Variants in SUPT3H observed in about 807,000 individuals in gnomAD.
The protein encoded by SUPT3H is SPT3 homolog, SAGA and STAGA complex component.
In SUPT3H, 44 loss-of-function variants were observed where a neutral mutation model predicts 44.3. The observed-to-expected ratio is 0.99, with a 90% CI of 0.78 to 1.28. SUPT3H has a LOEUF of 1.28. Ranked by LOEUF, SUPT3H falls within the 50% of genes most tolerant of loss-of-function variation. SUPT3H has a pLI of 0.00. For synonymous variants in SUPT3H, 124 were observed against 125.6 expected (o/e 0.99, Z 0.09); for missense variants, 380 against 387.1 (o/e 0.98, Z 0.15).
chr6:45,066,024 C>G (rs939302426), intron 3 of SUPT3H, among the ~76,000 whole-genome samples: 4 of 139,016 alleles, frequency 2.9e-5, no homozygotes, highest in African/African-American at 8.2e-5. Flanking sequence ...GAATTTTAGA[C>G]CAATATCCTT....
chr6:44,889,613 A>C (rs1762943466), intron 10 of SUPT3H, among the ~76,000 whole-genome samples: 2 of 152,222 alleles, frequency 1.3e-5, no homozygotes. Flanking sequence ...AAATTAATTC[A>C]AGATGGATTA....
intron 4 of SUPT3H, among the ~76,000 whole-genome samples, chr6:45,018,790 A>T (rs1784687928): frequency 6.6e-6 from 1 of 151,894 alleles, no homozygotes; most frequent in South Asian, 2.1e-4. Context: ...TTCATCAAGG[A>T]TATTGGTCTA....
chr6:45,367,912 T>C lies in SUPT3H; in HGVS notation c.1-2611A>G, dbSNP rs377405316. Among the ~76,000 whole-genome samples the C allele has an allele frequency of 3.2e-4, 48 of 152,326 alleles. No individual in the cohort carries two copies. In the East Asian group the frequency reaches 8.5e-3, roughly 27 times the overall value. ...TGAGCTGATAGGTCATTAGACTCTT[T>C]AAAATAATTATTTCCCATACCCACA... On this transcript the variant is annotated intron_variant, in intron 1 of 10. Transcript: ENST00000371459.
chr6:44,862,160 G>T (rs1287798535), intron 10 of SUPT3H, among the ~76,000 whole-genome samples: 1 of 152,012 alleles, frequency 6.6e-6, no homozygotes, highest in Non-Finnish European at 1.5e-5. Flanking sequence ...GTAATAACCT[G>T]ACAATGCAGT....
At chr6:44,965,885 T>C (rs1776708658) in intron 6 of SUPT3H, among the ~76,000 whole-genome samples, 1 of 152,174 alleles carries the variant, frequency 6.6e-6, no homozygotes, top group Non-Finnish European at 1.5e-5. Flanking sequence ...GAGGCAATGC[T>C]TTGCTTGGAT....
intron 3 of SUPT3H, among the ~76,000 whole-genome samples, chr6:45,092,038 A>G (rs1487163456): frequency 1.3e-5 from 2 of 152,106 alleles, no homozygotes; most frequent in Admixed American, 6.5e-5. Context: ...TTTACATTAT[A>G]TATTTTACTT....
chr6:44,877,468 C>CAAAAAA, intron 10 of SUPT3H, among the ~76,000 whole-genome samples: 1 of 122,472 alleles, frequency 8.2e-6, no homozygotes, highest in South Asian at 2.7e-4. Flanking sequence ...GACTCAGTCT[C>CAAAAAA]AAAAAAAAAA....
rs140080117 is a variant in SUPT3H at position 45,343,249 on chromosome 6, C to T, written c.101+21952G>A. On this transcript the variant is annotated intron_variant, in intron 2 of 10. Transcript: ENST00000371459. Reference sequence around the variant, plus strand: ...TCTCAGCCGGGTGCAGTGGCTCACACCTGTAATCCCAGCACTTTGGGAGGC... The same window carrying T: ...TCTCAGCCGGGTGCAGTGGCTCACATCTGTAATCCCAGCACTTTGGGAGGC... Among the ~76,000 whole-genome samples the T allele has an allele frequency of 1.8e-3, 266 of 146,138 alleles. 2 individuals are homozygous for T. The highest frequency in any genetic ancestry group is 3.2e-3 in the Non-Finnish European group (202 of 63,666).
intron 2 of SUPT3H, chr6:45,321,802 G>T: frequency 6.2e-7 from 1 of 1,602,722 alleles, no homozygotes; most frequent in South Asian, 1.1e-5. Context: ...TTACCTGCCA[G>T]AATCATTCAG....
intron 10 of SUPT3H, among the ~76,000 whole-genome samples, chr6:44,894,389 T>G (rs1392485405): frequency 6.6e-6 from 1 of 152,226 alleles, no homozygotes; most frequent in Non-Finnish European, 1.5e-5. Flanking sequence ...CATCTTGAAT[T>G]GATTTTTGTA....
intron 10 of SUPT3H, among the ~76,000 whole-genome samples, chr6:44,869,433 T>C (rs1032924868): frequency 1.4e-4 from 21 of 152,286 alleles, no homozygotes; most frequent in African/African-American, 5.1e-4. Context: ...GGCTGAGATA[T>C]AAACCACTAA....
intron 3 of SUPT3H, among the ~76,000 whole-genome samples, chr6:45,022,237 T>A (rs974021268): frequency 5.3e-5 from 8 of 151,988 alleles, no homozygotes; most frequent in African/African-American, 1.4e-4. Flanking sequence ...TTAAGAAGGA[T>A]CAGGAGAAAT....
At chr6:44,883,657 G>A (rs989875053) in intron 10 of SUPT3H, among the ~76,000 whole-genome samples, 1 of 152,130 alleles carries the variant, frequency 6.6e-6, no homozygotes, top group Non-Finnish European at 1.5e-5. Flanking sequence ...CATGGTACTA[G>A]TACCAAAACA....
chr6:45,250,100 CA>C (rs1472447638), intron 2 of SUPT3H, among the ~76,000 whole-genome samples: 1 of 152,094 alleles, frequency 6.6e-6, no homozygotes, highest in Non-Finnish European at 1.5e-5. Flanking sequence ...AGGTCTACCT[CA>C]AATACATTTT....
At chr6:45,258,202 A>G (rs72858522) in intron 2 of SUPT3H, among the ~76,000 whole-genome samples, 2,217 of 152,324 alleles carry the variant, frequency 0.015, 25 homozygotes, top group South Asian at 0.029. Context: ...TTATTTTCAC[A>G]TTGAAAATCA....
rs73737832 is a variant in SUPT3H at position 45,024,632 on chromosome 6, T to C, written c.187-4000A>G. On this transcript the variant is annotated intron_variant, in intron 3 of 10. Coordinates refer to ENST00000371459, the MANE Select transcript of SUPT3H (RefSeq NM_003599.4). ...ATAATTTTGGTTCTTTTTACCTTTG[T>C]GTACTTGTGATGGTTAATTTTGTGT... Among the ~76,000 whole-genome samples, 1,308 of 152,308 alleles carry C rather than the reference T, an allele frequency of 8.6e-3. 22 individuals carry two copies. The highest frequency in any genetic ancestry group is 0.03 in the African/African-American group (1,232 of 41,558).
chr6:44,929,722 G>C (rs1770221430), intron 10 of SUPT3H, among the ~76,000 whole-genome samples: 1 of 151,308 alleles, frequency 6.6e-6, no homozygotes, highest in Non-Finnish European at 1.5e-5. Context: ...CCTTAGGGAA[G>C]TGAACATCAG....
At chr6:45,307,878 G>A (rs1036148702) in intron 2 of SUPT3H, among the ~76,000 whole-genome samples, 2 of 152,098 alleles carry the variant, frequency 1.3e-5, no homozygotes, top group African/African-American at 2.4e-5. Flanking sequence ...TAGACAAATG[G>A]CTAACTAGAA....
intron 2 of SUPT3H, among the ~76,000 whole-genome samples, chr6:45,138,146 C>T (rs998451556): frequency 2.6e-5 from 4 of 151,908 alleles, no homozygotes; most frequent in African/African-American, 7.3e-5. Context: ...AAATCAAACA[C>T]ACAATGAGAT....
Sources: allele counts gnomAD v4.1 joint callset (sites outside exome capture counted in the v4.1 genomes callset), GRCh38; gene constraint gnomAD v4.1.1; transcripts MANE v1.5; gene names NCBI Gene and HGNC (gene_info 2026-07-23, HGNC 2026-07-21).